Variants in DACH1 observed in about 807,000 individuals in gnomAD.
The protein encoded by DACH1 is dachshund homolog 1.
In DACH1, 12 loss-of-function variants were observed where a neutral mutation model predicts 54.2. The observed-to-expected ratio is 0.22, with a 90% CI of 0.14 to 0.36. DACH1 has a LOEUF of 0.36. Among genes scored for constraint, DACH1 ranks in the 10% least tolerant of loss-of-function variants. The pLI is 1.00. For synonymous variants in DACH1, 386 were observed against 366.2 expected (o/e 1.05, Z -0.62); for missense variants, 805 against 929.8 (o/e 0.87, Z 1.75).
chr13:71,440,599 G>T lies in DACH1; in HGVS notation c.*56C>A. On this transcript the variant is annotated 3_prime_UTR_variant, in exon 11 of 11. Transcript: ENST00000613252. ...ATTTTTTTCTGAACTTTCCCATGAC[G>T]AATGTCTGACTGCAAAGTTCTTTTC... is the stretch of plus-strand genomic sequence containing the variant. 2 of 1,405,024 alleles carry T rather than the reference G, an allele frequency of 1.4e-6. No individual in the cohort carries two copies. Among genetic ancestry groups the T allele is most frequent in the East Asian group, 2.4e-5 (1 of 41,698 alleles). The allele number at this position is 1,405,024 out of a possible 1,614,324, so 87.0% of individuals were successfully genotyped here. A position where few individuals can be genotyped will look rare whatever the true frequency, so the allele number is the denominator to read the frequency against.
intron 1 of DACH1, among the ~76,000 whole-genome samples, chr13:71,859,248 G>A (rs1300602069): frequency 1.3e-5 from 2 of 151,688 alleles, no homozygotes; most frequent in Non-Finnish European, 3.0e-5. Flanking sequence ...CAAATTTAAT[G>A]TCCAATTTAG....
chr13:71,581,014 G>A (rs1872806449), intron 3 of DACH1, among the ~76,000 whole-genome samples: 1 of 145,814 alleles, frequency 6.9e-6, no homozygotes, highest in Non-Finnish European at 1.5e-5. Flanking sequence ...CTTAATGTAA[G>A]TTCCACGTGG....
At chr13:71,716,976 A>G (rs2138792116) in intron 1 of DACH1, among the ~76,000 whole-genome samples, 1 of 152,268 alleles carries the variant, frequency 6.6e-6, no homozygotes, top group African/African-American at 2.4e-5. Context: ...ATTTTTTTAA[A>G]GTATACATCA....
chr13:71,857,442 G>C (rs1379265210), intron 1 of DACH1, among the ~76,000 whole-genome samples: 1 of 151,392 alleles, frequency 6.6e-6, no homozygotes, highest in Non-Finnish European at 1.5e-5. Context: ...ACATCCTACA[G>C]GTGTATATGT....
chr13:71,443,063 ATAT>A (rs1874147416), intron 10 of DACH1, among the ~76,000 whole-genome samples: 2 of 148,310 alleles, frequency 1.3e-5, no homozygotes, highest in South Asian at 4.2e-4. Flanking sequence ...ATAATTATAT[ATAT>A]TATTAAATGT....
chr13:71,834,159 G>T (rs1888691237), intron 1 of DACH1, among the ~76,000 whole-genome samples: 1 of 151,938 alleles, frequency 6.6e-6, no homozygotes, highest in Non-Finnish European at 1.5e-5. Context: ...TATCCCTTAG[G>T]ATAAAGTTAC....
At chr13:71,726,807 T>C (rs1243813927) in intron 1 of DACH1, among the ~76,000 whole-genome samples, 6 of 152,042 alleles carry the variant, frequency 3.9e-5, no homozygotes, top group African/African-American at 1.2e-4. Flanking sequence ...CTAATATATC[T>C]CTTATTAAAC....
At chr13:71,460,507 T>A (rs1875979195) in intron 10 of DACH1, among the ~76,000 whole-genome samples, 1 of 152,004 alleles carries the variant, frequency 6.6e-6, no homozygotes. Context: ...TGTATTTACA[T>A]GTTTTCTGGG....
chr13:71,476,173 T>C (rs911153371), intron 8 of DACH1, among the ~76,000 whole-genome samples: 2 of 152,142 alleles, frequency 1.3e-5, no homozygotes, highest in Admixed American at 6.6e-5. Flanking sequence ...TTAAATGAAT[T>C]TTGTGGCTTA....
At chr13:71,849,186 T>C (rs1873495598) in intron 1 of DACH1, among the ~76,000 whole-genome samples, 1 of 152,356 alleles carries the variant, frequency 6.6e-6, no homozygotes, top group Admixed American at 6.5e-5. Flanking sequence ...CTGAGTTTTG[T>C]GTATGTATTC....
chr13:71,659,551 A>C (rs1879360743), intron 2 of DACH1, among the ~76,000 whole-genome samples: 1 of 152,172 alleles, frequency 6.6e-6, no homozygotes, highest in African/African-American at 2.4e-5. Flanking sequence ...GCATATGACA[A>C]GAATAACCAT....
In DACH1 at chr13:71,574,622, C is replaced by G. The variant is rs189101974; in HGVS notation, c.1127-1610G>C. On this transcript the variant is annotated intron_variant, in intron 3 of 10. Transcript: ENST00000613252. The stretch of plus-strand genomic sequence containing the variant: ...CAATATAAATTCAAACTAATTAGCT[C>G]AATACTGTCTGGATCTTAGAGTAAA... Among the ~76,000 whole-genome samples the G allele has an allele frequency of 2.8e-3, 424 of 152,018 alleles. 3 individuals are homozygous for G. The highest frequency in any genetic ancestry group is 9.9e-3 in the African/African-American group (413 of 41,512).
chr13:71,698,199 T>C (rs1381097203), intron 1 of DACH1, among the ~76,000 whole-genome samples: 1 of 151,722 alleles, frequency 6.6e-6, no homozygotes, highest in African/African-American at 2.4e-5. Flanking sequence ...AATAGATAAA[T>C]AAATAAGTAA....
intron 6 of DACH1, among the ~76,000 whole-genome samples, chr13:71,492,246 G>A (rs1879041847): frequency 6.6e-6 from 1 of 152,118 alleles, no homozygotes; most frequent in Non-Finnish European, 1.5e-5. Flanking sequence ...GTAACGACAA[G>A]TAATGTTATT....
intron 6 of DACH1, among the ~76,000 whole-genome samples, chr13:71,521,326 C>G (rs1881583283): frequency 6.6e-6 from 1 of 151,870 alleles, no homozygotes; most frequent in African/African-American, 2.4e-5. Flanking sequence ...TTTCTGTCCC[C>G]TTTATAATAG....
At chr13:71,530,399 C>A (rs911466871) in intron 6 of DACH1, among the ~76,000 whole-genome samples, 3 of 152,004 alleles carry the variant, frequency 2.0e-5, no homozygotes, top group Non-Finnish European at 2.9e-5. Flanking sequence ...TTATCTTATT[C>A]TTTGTTAAAA....
At chr13:71,512,161 A>AT (rs1880825184) in intron 6 of DACH1, among the ~76,000 whole-genome samples, 1 of 151,760 alleles carries the variant, frequency 6.6e-6, no homozygotes, top group African/African-American at 2.4e-5. Flanking sequence ...TTCAAATACC[A>AT]ATTTTTTTTG....
At chr13:71,823,945 T>C (rs372313744) in intron 1 of DACH1, among the ~76,000 whole-genome samples, 46 of 152,106 alleles carry the variant, frequency 3.0e-4, no homozygotes, top group African/African-American at 1.0e-3. Flanking sequence ...TGCCAAATTT[T>C]GTTATGTAAA....
rs756406551 is a variant in DACH1, at chr13:71,572,825, T to C, written c.1299+15A>G. Reference sequence around the variant, plus strand: ...AGATGAACATGCCAAAATAATTGTATAAAAAAAGAATTACCTTAATAACTG... The same window carrying C: ...AGATGAACATGCCAAAATAATTGTACAAAAAAAGAATTACCTTAATAACTG... On this transcript the variant is annotated intron_variant, in intron 4 of 10. Transcript: ENST00000613252. 2 of 1,600,924 alleles carry C rather than the reference T, an allele frequency of 1.2e-6. No individual in the cohort carries two copies. The highest frequency in any genetic ancestry group is 1.3e-5 in the African/African-American group (1 of 74,374).
Sources: gnomAD v4.1 joint callset for allele counts (sites outside exome capture counted in the v4.1 genomes callset) on GRCh38, gnomAD v4.1.1 for gene constraint, MANE v1.5 for transcripts, NCBI Gene and HGNC (gene_info 2026-07-23, HGNC 2026-07-21) for gene names.